FAM204A: variants seen among roughly 807,000 people sequenced by gnomAD.
The protein encoded by FAM204A is protein FAM204A.
A neutral mutation model predicts 35.4 loss-of-function variants in FAM204A; 16 were observed. That is an observed-to-expected ratio of 0.45 (90% CI 0.31 to 0.69). The LOEUF (loss-of-function observed/expected upper bound fraction) is 0.69. Ranked by LOEUF, FAM204A falls within the 30% of genes least tolerant of loss-of-function variation. FAM204A has a pLI of 0.07. For synonymous variants in FAM204A, 76 were observed against 86.9 expected, an observed-to-expected ratio of 0.88 and a Z score of 0.70; for missense variants, 240 against 265.7, an observed-to-expected ratio of 0.90 and a Z score of 0.67.
Position 118,304,693 on chromosome 10 carries a change from C to G in FAM204A, c.*6164G>C, listed in dbSNP as rs979647740. On this transcript the variant is annotated 3_prime_UTR_variant, in exon 9 of 9. Transcript: ENST00000369183. ...CATAATAAGCACTGCCTTTGCCTCA[C>G]TGACTGAGCATGCAATGCTCTTTCA... 6.6e-6 allele frequency: 1 copy of G among 152,284 alleles called. No homozygotes were observed. Among genetic ancestry groups the G allele is most frequent in the African/African-American group, 2.4e-5 (1 of 41,468 alleles). The allele number at this position is 152,284 out of a possible 1,614,324, so 9.4% of individuals were successfully genotyped here.
chr10:118,299,445 G>A lies in FAM204A; in HGVS notation c.*11412C>T, dbSNP rs187942429. On this transcript the variant is annotated 3_prime_UTR_variant, in exon 9 of 9. Coordinates refer to ENST00000369183, the MANE Select transcript of FAM204A (RefSeq NM_022063.3). Reference sequence around the variant, plus strand: ...GGGTCAGGCTGGACTGCAGTGGTGCGATCACGGCTCACTGCAGCCTCGACC... The same window carrying A: ...GGGTCAGGCTGGACTGCAGTGGTGCAATCACGGCTCACTGCAGCCTCGACC... The A allele has an allele frequency of 5.1e-5, 7 of 137,452 alleles. No individual in the cohort carries two copies. In the East Asian group the frequency reaches 6.7e-4, roughly 13 times the overall value. 8.5% of individuals were successfully genotyped at this position (137,452 alleles called of 1,614,324 possible). A position where few individuals can be genotyped will look rare whatever the true frequency, so the allele number is the denominator to read the frequency against.
intron 7 of FAM204A, among the ~76,000 whole-genome samples, chr10:118,320,616 G>GTA (rs1183365592): frequency 6.6e-6 from 1 of 151,796 alleles, no homozygotes; most frequent in Non-Finnish European, 1.5e-5. Flanking sequence ...ACAAACCTAA[G>GTA]TATATGTTTC....
intron 2 of FAM204A, among the ~76,000 whole-genome samples, chr10:118,339,598 C>A (rs1219768634): frequency 6.6e-6 from 1 of 152,192 alleles, no homozygotes; most frequent in Non-Finnish European, 1.5e-5. Context: ...TAGCCAAGTC[C>A]ATATAACAGC....
chr10:118,331,622 T>A (rs887409947), intron 6 of FAM204A, among the ~76,000 whole-genome samples: 1 of 152,104 alleles, frequency 6.6e-6, no homozygotes, highest in Non-Finnish European at 1.5e-5. Flanking sequence ...TATACCACAA[T>A]ATATTTATAT....
rs34120011 is a variant in FAM204A at position 118,311,331 on chromosome 10, G to GA, written c.544-19dup. On this transcript the variant is annotated intron_variant, in intron 7 of 8. Transcript: ENST00000369183. ...ACACCAAGCTAAGAATTACAAAGGA[G>GA]AAAAAAAAAGTGAAAATAAATATTC... The GA allele has an allele frequency of 0.73, 986,293 of 1,345,210 alleles. 348,590 individuals carry two copies. Among genetic ancestry groups the GA allele is most frequent in the Admixed American group, 0.83 (36,162 of 43,650 alleles). 83.3% of individuals were successfully genotyped at this position (1,345,210 alleles called of 1,614,324 possible). A position where few individuals can be genotyped will look rare whatever the true frequency, so the allele number is the denominator to read the frequency against.
At chr10:118,323,193 T>C (rs905934490) in intron 7 of FAM204A, among the ~76,000 whole-genome samples, 3 of 152,124 alleles carry the variant, frequency 2.0e-5, no homozygotes, top group African/African-American at 7.2e-5. Flanking sequence ...TTGAGTCCTG[T>C]GATCCTAAAG....
chr10:118,332,903 A>G (rs189801372), intron 6 of FAM204A, among the ~76,000 whole-genome samples: 1 of 152,358 alleles, frequency 6.6e-6, no homozygotes, highest in East Asian at 1.9e-4. Context: ...TAGTGAAATT[A>G]ATGAGTGAAA....
intron 2 of FAM204A, among the ~76,000 whole-genome samples, chr10:118,336,729 A>C (rs930709269): frequency 2.6e-5 from 4 of 152,194 alleles, no homozygotes; most frequent in Non-Finnish European, 5.9e-5. Context: ...TTTTGTCTAA[A>C]AAAAACATGA....
intron 6 of FAM204A, among the ~76,000 whole-genome samples, chr10:118,329,558 C>T (rs1846256275): frequency 6.6e-6 from 1 of 152,166 alleles, no homozygotes; most frequent in African/African-American, 2.4e-5. Context: ...GCCCTACATT[C>T]CTATGACCCC....
chr10:118,321,724 C>CAAAAAAAAAAAAAAAAAAA (rs200200755), intron 7 of FAM204A, among the ~76,000 whole-genome samples: 2 of 87,252 alleles, frequency 2.3e-5, no homozygotes, highest in East Asian at 8.0e-4. Flanking sequence ...TATGACAAAG[C>CAAAAAAAAAAAAAAAAAAA]AAAAAAAAAA....
chr10:118,310,923 A>G lies in FAM204A; in HGVS notation c.651-15T>C, dbSNP rs779848997. 1.3e-6 allele frequency: 2 copies of G among 1,571,272 alleles called. No individual in the cohort carries two copies. Among genetic ancestry groups the G allele is most frequent in the African/African-American group, 1.4e-5 (1 of 73,044 alleles). ...TTGCTTCAAACCTAAAAGGAAGAAC[A>G]TACAAATCTCAATTTATTTCTTAAA... On this transcript the variant is annotated splice_polypyrimidine_tract_variant and intron_variant, in intron 8 of 8. Transcript: ENST00000369183.
chr10:118,321,880 A>T (rs187781119), intron 7 of FAM204A, among the ~76,000 whole-genome samples: 2 of 152,254 alleles, frequency 1.3e-5, no homozygotes, highest in East Asian at 3.9e-4. Context: ...AGACAAGGAC[A>T]GAGTTCATAT....
In FAM204A at chr10:118,307,303, C is replaced by T. The variant is rs779691573; in HGVS notation, c.*3554G>A. 3.3e-5 allele frequency: 5 copies of T among 152,164 alleles called. No individual in the cohort carries two copies. The highest frequency in any genetic ancestry group is 6.5e-5 in the Admixed American group (1 of 15,276). 9.4% of individuals were successfully genotyped at this position (152,164 alleles called of 1,614,324 possible). On this transcript the variant is annotated 3_prime_UTR_variant, in exon 9 of 9. Transcript: ENST00000369183. ...ATGTACATATTTTGTCCAAATATTA[C>T]TATTTGTTTCATGAAAGTCAGAGCT...
intron 7 of FAM204A, among the ~76,000 whole-genome samples, chr10:118,313,917 C>T (rs1181564219): frequency 6.6e-6 from 1 of 152,132 alleles, no homozygotes; most frequent in Non-Finnish European, 1.5e-5. Context: ...CCAAACCAAG[C>T]CAAAGAGCAG....
intron 7 of FAM204A, among the ~76,000 whole-genome samples, chr10:118,323,858 T>C (rs1846157107): frequency 6.6e-6 from 1 of 152,148 alleles, no homozygotes; most frequent in African/African-American, 2.4e-5. Context: ...TCTAAAAGAC[T>C]TTCTATGGAA....
intron 7 of FAM204A, among the ~76,000 whole-genome samples, chr10:118,316,049 C>T (rs1041981813): frequency 6.6e-6 from 1 of 152,084 alleles, no homozygotes; most frequent in Admixed American, 6.6e-5. Flanking sequence ...TGTCAGCTAT[C>T]CCTTTCTAGT....
rs1845791238 is a variant in FAM204A at position 118,299,941 on chromosome 10, T to C, written c.*10916A>G. 6.6e-6 allele frequency: 1 copy of C among 152,226 alleles called. No individual in the cohort carries two copies. Among genetic ancestry groups the C allele is most frequent in the Non-Finnish European group, 1.5e-5 (1 of 68,032 alleles). 9.4% of individuals were successfully genotyped at this position (152,226 alleles called of 1,614,324 possible). A position where few individuals can be genotyped will look rare whatever the true frequency, so the allele number is the denominator to read the frequency against. On this transcript the variant is annotated 3_prime_UTR_variant, in exon 9 of 9. Coordinates refer to ENST00000369183, the MANE Select transcript of FAM204A (RefSeq NM_022063.3). ...AAATACTTGAATTGCTTTAATCCTT[T>C]GCTATCCCTAAATCACAAGTAGATT...
intron 6 of FAM204A, among the ~76,000 whole-genome samples, chr10:118,332,833 C>A (rs955581974): frequency 2.6e-5 from 4 of 152,210 alleles, no homozygotes; most frequent in Non-Finnish European, 5.9e-5. Flanking sequence ...CATAAAACTA[C>A]TTCAATAATG....
intron 2 of FAM204A, among the ~76,000 whole-genome samples, chr10:118,339,723 A>C (rs1846444232): frequency 6.6e-6 from 1 of 152,048 alleles, no homozygotes; most frequent in Non-Finnish European, 1.5e-5. Context: ...TTTTCTCTCT[A>C]TGGTTTTGAA....
Sources: gnomAD v4.1 joint callset for allele counts (sites outside exome capture counted in the v4.1 genomes callset) on GRCh38, gnomAD v4.1.1 for gene constraint, MANE v1.5 for transcripts, NCBI Gene and HGNC (gene_info 2026-07-23, HGNC 2026-07-21) for gene names.